The following MYO1B variants were observed in gnomAD, a reference collection of about 807,000 sequenced individuals.
MYO1B encodes the protein unconventional myosin-Ib.
MYO1B carries 72 observed loss-of-function variants against 159.7 expected under a neutral mutation model. That is an observed-to-expected ratio of 0.45 (90% CI 0.37 to 0.55). The LOEUF is 0.55. MYO1B is among the 20% of genes least tolerant of loss of function. The pLI is 0.00. For missense variants in MYO1B, 1,062 were observed against 1,364.8 expected, an observed-to-expected ratio of 0.78 and a Z score of 3.50; for synonymous variants, 468 against 473.8, an observed-to-expected ratio of 0.99 and a Z score of 0.16.
chr2:191,382,859 T>C (rs965109729), intron 14 of MYO1B, among the ~76,000 whole-genome samples: 1 of 152,190 alleles, frequency 6.6e-6, no homozygotes, highest in Non-Finnish European at 1.5e-5. Flanking sequence ...TTTTTTTCCT[T>C]ATGATTACAG....
chr2:191,272,294 A>T (rs1687499058), intron 1 of MYO1B, among the ~76,000 whole-genome samples: 1 of 152,188 alleles, frequency 6.6e-6, no homozygotes, highest in South Asian at 2.1e-4. Flanking sequence ...ACCCTTAGAT[A>T]GAGAGACTGC....
intron 21 of MYO1B, among the ~76,000 whole-genome samples, chr2:191,397,345 C>G (rs1427807021): frequency 6.9e-6 from 1 of 145,712 alleles, no homozygotes; most frequent in South Asian, 2.2e-4. Context: ...TGCGGCCTTC[C>G]GCAGTGTTTG....
At chr2:191,300,304 ACT>A (rs1689233841) in intron 3 of MYO1B, among the ~76,000 whole-genome samples, 2 of 151,640 alleles carry the variant, frequency 1.3e-5, no homozygotes, top group East Asian at 3.9e-4. Context: ...TTGCCAATTA[ACT>A]TACCCAATAT....
chr2:191,303,095 CA>C (rs1043564535), intron 3 of MYO1B, among the ~76,000 whole-genome samples: 86 of 152,292 alleles, frequency 5.6e-4, no homozygotes, highest in African/African-American at 1.9e-3. Context: ...GACTATATCT[CA>C]AAATGTACCA....
At chr2:191,323,863 A>G (rs1393610428) in intron 3 of MYO1B, among the ~76,000 whole-genome samples, 2 of 152,134 alleles carry the variant, frequency 1.3e-5, no homozygotes, top group South Asian at 4.1e-4. Flanking sequence ...TATGTTTAGG[A>G]TATAAGAATG....
chr2:191,294,055 A>G (rs775163874), intron 2 of MYO1B, among the ~76,000 whole-genome samples: 1 of 152,188 alleles, frequency 6.6e-6, no homozygotes, highest in Non-Finnish European at 1.5e-5. Context: ...TTTATTGTAC[A>G]TCATGGTGGG....
At chr2:191,351,445 A>G (rs1692918640) in intron 7 of MYO1B, among the ~76,000 whole-genome samples, 1 of 143,768 alleles carries the variant, frequency 7.0e-6, no homozygotes, top group Admixed American at 7.0e-5. Context: ...AATTTGGTCA[A>G]ACTATGCAGC....
At chr2:191,259,685 G>A (rs973690222) in intron 1 of MYO1B, among the ~76,000 whole-genome samples, 56 of 152,142 alleles carry the variant, frequency 3.7e-4, no homozygotes, top group Admixed American at 1.8e-3. Flanking sequence ...TTGAGAACGA[G>A]GTGATTGGGT....
At chr2:191,356,721 T>C (rs1437033954) in intron 7 of MYO1B, among the ~76,000 whole-genome samples, 1 of 152,234 alleles carries the variant, frequency 6.6e-6, no homozygotes, top group Non-Finnish European at 1.5e-5. Context: ...AGATATTTCA[T>C]TAATTTTATT....
chr2:191,264,287 TA>T (rs1287846211), intron 1 of MYO1B, among the ~76,000 whole-genome samples: 1 of 152,214 alleles, frequency 6.6e-6, no homozygotes, highest in African/African-American at 2.4e-5. Context: ...AATGTATAAA[TA>T]TCTCTGCCTT....
Position 191,365,485 on chromosome 2 carries a change from G to C in MYO1B, c.1032+1209G>C, listed in dbSNP as rs1403673484. ...TATATATATGGAAATTTGGTTTGTA[G>C]CAATCGTTTCCTAGCTATAGCCATT... On this transcript the variant is annotated intron_variant, in intron 11 of 30. Transcript: ENST00000392318. 2.0e-5 allele frequency among the ~76,000 whole-genome samples: 3 copies of C among 152,186 alleles called. No homozygotes were observed. The South Asian group carries it at 6.2e-4, about 32-fold the overall frequency.
chr2:191,390,333 A>T lies in MYO1B; in HGVS notation c.1823A>T (p.Asn608Ile), dbSNP rs746451088. The T allele has an allele frequency of 6.2e-7, 1 of 1,614,040 alleles. No homozygotes were observed. The highest frequency in any genetic ancestry group is 1.3e-5 in the African/African-American group (1 of 74,952). ...PNDKKAAHIF[N>I]EALVCHQIRY... ...GATAAAAAAGCAGCACACATCTTCA[A>T]CGAGGCTCTAGTGTGTCATCAGATC... is the stretch of plus-strand genomic sequence containing the variant. Residue 608 changes from asparagine to isoleucine, a missense_variant, in exon 18 of 31, where the codon AAC becomes ATC. Asn to Ile is a moderately radical substitution (Grantham distance 149). Around this residue, in one of 5 missense-constraint regions of MYO1B, gnomAD observed 609 missense variants for 744.4 expected, o/e 0.82. Coordinates refer to ENST00000392318, the MANE Select transcript of MYO1B (RefSeq NM_001130158.3).
chr2:191,328,179 A>G (rs1397609454), intron 3 of MYO1B, among the ~76,000 whole-genome samples: 5 of 152,188 alleles, frequency 3.3e-5, no homozygotes, highest in Non-Finnish European at 5.9e-5. Context: ...GATTAAGTCC[A>G]ATTGTGAATC....
intron 13 of MYO1B, chr2:191,379,337 G>A (rs932951059): frequency 6.6e-6 from 1 of 152,666 alleles, no homozygotes. Context: ...TTCTCTAGCT[G>A]TGTGAGTTTT....
At chr2:191,398,759 A>G (rs879694024) in intron 21 of MYO1B, among the ~76,000 whole-genome samples, 10 of 150,754 alleles carry the variant, frequency 6.6e-5, no homozygotes, top group Non-Finnish European at 1.5e-4. Context: ...GCGGCCGGGC[A>G]GAGACGCTCC....
chr2:191,353,497 C>T (rs913226650), intron 7 of MYO1B, among the ~76,000 whole-genome samples: 2 of 152,110 alleles, frequency 1.3e-5, no homozygotes, highest in African/African-American at 4.8e-5. Flanking sequence ...TACACCTGAG[C>T]GAACTATGGA....
chr2:191,400,637 C>G lies in MYO1B; in HGVS notation c.2383-112C>G, dbSNP rs994587455. The G allele has an allele frequency of 2.2e-6, 3 of 1,357,636 alleles. No homozygotes were observed. In the South Asian group the frequency reaches 3.9e-5, roughly 17 times the overall value. 84.1% of individuals were successfully genotyped at this position (1,357,636 alleles called of 1,614,324 possible). ...TGTGGGGTGGTGGCACATGCTTTTG[C>G]GTTTACCATTTGGTGGTGACTAGTG... On this transcript the variant is annotated intron_variant, in intron 22 of 30. Transcript: ENST00000392318.
At chr2:191,269,979 C>T (rs1022309940) in intron 1 of MYO1B, among the ~76,000 whole-genome samples, 2 of 152,162 alleles carry the variant, frequency 1.3e-5, no homozygotes, top group African/African-American at 4.8e-5. Context: ...CTGTTAGACA[C>T]AGCCAAGTGG....
chr2:191,298,145 A>G (rs983813609), intron 3 of MYO1B, among the ~76,000 whole-genome samples: 25 of 152,240 alleles, frequency 1.6e-4, no homozygotes, highest in African/African-American at 5.3e-4. Context: ...TGCAGCATGC[A>G]GCGATATATT....
Sources: gnomAD v4.1 joint callset for allele counts (sites outside exome capture counted in the v4.1 genomes callset) on GRCh38, gnomAD v4.1.1 for gene constraint, gnomAD v4.1.1 regional missense constraint, MANE v1.5 for transcripts, NCBI Gene and HGNC (gene_info 2026-07-23, HGNC 2026-07-21) for gene names.